RBMS3: variants seen among roughly 807,000 people sequenced by gnomAD.
RBMS3 encodes RNA-binding motif, single-stranded-interacting protein 3.
RBMS3 carries 27 observed loss-of-function variants against 66.8 expected under a neutral mutation model. The observed-to-expected ratio is 0.40, with a 90% CI of 0.30 to 0.56. The LOEUF (loss-of-function observed/expected upper bound fraction) is 0.56. RBMS3 is among the 20% of genes least tolerant of loss of function. RBMS3 has a pLI of 0.40. For synonymous variants in RBMS3, 188 were observed against 183.0 expected (o/e 1.03, Z -0.22); for missense variants, 513 against 549.5 (o/e 0.93, Z 0.66).
chr3:29,676,025 A>C (rs1013797538), intron 4 of RBMS3, among the ~76,000 whole-genome samples: 3 of 152,196 alleles, frequency 2.0e-5, no homozygotes, highest in Non-Finnish European at 2.9e-5. Context: ...GGAACCAACC[A>C]AGATGTCCAT....
At chr3:29,855,478 T>C (rs1368889978) in intron 6 of RBMS3, among the ~76,000 whole-genome samples, 1 of 152,216 alleles carries the variant, frequency 6.6e-6, no homozygotes, top group Non-Finnish European at 1.5e-5. Context: ...TGATTATGAT[T>C]ATTTTTAGGT....
At chr3:29,527,388 A>C (rs2045170434) in intron 3 of RBMS3, among the ~76,000 whole-genome samples, 2 of 152,088 alleles carry the variant, frequency 1.3e-5, no homozygotes, top group Admixed American at 1.3e-4. Flanking sequence ...GCATTGCACT[A>C]AGATGATTAA....
At chr3:29,840,918 T>A (rs1047413548) in intron 6 of RBMS3, among the ~76,000 whole-genome samples, 4 of 151,992 alleles carry the variant, frequency 2.6e-5, no homozygotes, top group South Asian at 2.1e-4. Context: ...TTTTAAAGTA[T>A]GATGTATTGA....
At chr3:29,428,453 C>T (rs749614496) in intron 1 of RBMS3, among the ~76,000 whole-genome samples, 25 of 151,804 alleles carry the variant, frequency 1.6e-4, no homozygotes, top group East Asian at 5.8e-4. Context: ...ACTACAACCC[C>T]GCCTGCAGAC....
chr3:29,744,758 C>G lies in RBMS3; in HGVS notation c.557+4881C>G, dbSNP rs573051791. ...GAGATCACACCATTGCACTCCAGCC[C>G]GCACGATAGTGTAAGACTCCGTCTC... On this transcript the variant is annotated intron_variant, in intron 5 of 14. Transcript: ENST00000383767. Among the ~76,000 whole-genome samples, 27 of 148,362 alleles carry G rather than the reference C, an allele frequency of 1.8e-4. No homozygotes were observed. In the East Asian group the frequency reaches 4.5e-3, roughly 25 times the overall value.
chr3:29,633,111 A>G (rs1337920878), intron 4 of RBMS3, among the ~76,000 whole-genome samples: 2 of 151,846 alleles, frequency 1.3e-5, no homozygotes, highest in African/African-American at 4.8e-5. Flanking sequence ...TTTTTCAAAT[A>G]CATAACCATA....
intron 7 of RBMS3, among the ~76,000 whole-genome samples, chr3:29,872,558 C>G (rs555598808): frequency 7.9e-5 from 12 of 152,286 alleles, no homozygotes; most frequent in Admixed American, 7.8e-4. Flanking sequence ...CCTAAAGAAG[C>G]TGAAGCCAAG....
rs1699758143 is a variant in RBMS3, at chr3:30,004,836, A to C, written c.*974A>C. The C allele has an allele frequency of 6.6e-6, 1 of 151,936 alleles. No homozygotes were observed. The allele number at this position is 151,936 out of a possible 1,614,324, so 9.4% of individuals were successfully genotyped here. On this transcript the variant is annotated 3_prime_UTR_variant, in exon 15 of 15. Coordinates refer to ENST00000383767, the MANE Select transcript of RBMS3 (RefSeq NM_001003793.3). ...TGCAGTCTTTTTTATGAGCTTTACA[A>C]AGTTTTTAGTCAGCTTTGCTTGTCA...
intron 4 of RBMS3, among the ~76,000 whole-genome samples, chr3:29,737,549 G>A (rs1352349966): frequency 6.6e-6 from 1 of 152,144 alleles, no homozygotes; most frequent in Non-Finnish European, 1.5e-5. Flanking sequence ...TCATTATCCA[G>A]TAAGTGTAGT....
At chr3:29,971,194 A>G (rs773231962) in intron 12 of RBMS3, among the ~76,000 whole-genome samples, 1 of 151,870 alleles carries the variant, frequency 6.6e-6, no homozygotes, top group Non-Finnish European at 1.5e-5. Context: ...CCCACTACTC[A>G]TCTCTTCTCA....
chr3:29,723,646 G>A (rs1031715024), intron 4 of RBMS3, among the ~76,000 whole-genome samples: 1 of 152,138 alleles, frequency 6.6e-6, no homozygotes, highest in African/African-American at 2.4e-5. Flanking sequence ...TAATCCAGCA[G>A]AATCTGTTGC....
chr3:29,710,759 T>C (rs2053128325), intron 4 of RBMS3, among the ~76,000 whole-genome samples: 1 of 152,240 alleles, frequency 6.6e-6, no homozygotes, highest in South Asian at 2.1e-4. Flanking sequence ...GTTTAAATCA[T>C]TACCATTTTC....
rs138491581 is a variant in RBMS3, at chr3:29,419,526, G to A, written c.76-15217G>A. On this transcript the variant is annotated intron_variant, in intron 1 of 14. Transcript: ENST00000383767. ...TCTAATTAGATCTCTTCTTCAAGTCGAAATTCTGGATGGAAATTCTTAATA... is the reference window on the plus strand; with the variant it reads ...TCTAATTAGATCTCTTCTTCAAGTCAAAATTCTGGATGGAAATTCTTAATA... Among the ~76,000 whole-genome samples the A allele has an allele frequency of 6.7e-3, 1,017 of 152,060 alleles. 15 individuals are homozygous for A. The highest frequency in any genetic ancestry group is 8.6e-3 in the African/African-American group (357 of 41,496).
chr3:29,837,738 G>A (rs2058562137), intron 6 of RBMS3, among the ~76,000 whole-genome samples: 1 of 136,824 alleles, frequency 7.3e-6, no homozygotes, highest in Admixed American at 7.8e-5. Context: ...ACCCTGATGA[G>A]GAATGTGGTA....
chr3:29,562,785 T>C (rs1487140198), intron 3 of RBMS3, among the ~76,000 whole-genome samples: 1 of 152,184 alleles, frequency 6.6e-6, no homozygotes, highest in Non-Finnish European at 1.5e-5. Flanking sequence ...TAACCCATAC[T>C]CACTCATCAT....
At chr3:29,517,309 A>G (rs13324592) in intron 3 of RBMS3, among the ~76,000 whole-genome samples, 27,106 of 117,980 alleles carry the variant, frequency 0.23, 2,688 homozygotes, top group East Asian at 0.34. Flanking sequence ...GTGTGTGTGT[A>G]TATATATATA....
At chr3:29,724,259 A>G (rs1472188794) in intron 4 of RBMS3, among the ~76,000 whole-genome samples, 1 of 152,160 alleles carries the variant, frequency 6.6e-6, no homozygotes, top group Non-Finnish European at 1.5e-5. Flanking sequence ...CTAAATAGTG[A>G]TAATTGTTCT....
chr3:29,514,587 C>T (rs1416205048), intron 3 of RBMS3, among the ~76,000 whole-genome samples: 2 of 143,744 alleles, frequency 1.4e-5, no homozygotes, highest in Non-Finnish European at 3.0e-5. Context: ...AAAAAGGAAG[C>T]GATTTATCCC....
intron 4 of RBMS3, among the ~76,000 whole-genome samples, chr3:29,737,210 C>T (rs1472861791): frequency 2.0e-5 from 3 of 152,112 alleles, no homozygotes; most frequent in Non-Finnish European, 4.4e-5. Flanking sequence ...CTCCTGACCT[C>T]GTGATCCACC....
Sources: gnomAD v4.1 joint callset for allele counts (sites outside exome capture counted in the v4.1 genomes callset) on GRCh38, gnomAD v4.1.1 for gene constraint, MANE v1.5 for transcripts, NCBI Gene and HGNC (gene_info 2026-07-23, HGNC 2026-07-21) for gene names.